MAPKBP1: variants seen among roughly 807,000 people sequenced by gnomAD.
The protein encoded by MAPKBP1 is mitogen-activated protein kinase binding protein 1.
In MAPKBP1, 71 loss-of-function variants were observed where a neutral mutation model predicts 170.5. The ratio of observed to expected loss-of-function variants is 0.42; its 90% CI spans 0.34 to 0.51. MAPKBP1 has a LOEUF of 0.51. Ranked by LOEUF, MAPKBP1 falls within the 20% of genes least tolerant of loss-of-function variation. The pLI, the probability that MAPKBP1 is intolerant of heterozygous loss-of-function variation, is 0.06. For synonymous variants in MAPKBP1, 719 were observed against 757.9 expected (o/e 0.95, Z 0.84); for missense variants, 1,598 against 1,933.0 (o/e 0.83, Z 3.25).
Position 41,819,272 on chromosome 15 carries a change from C to G in MAPKBP1, c.2318C>G (p.Pro773Arg), listed in dbSNP as rs747996494. The change falls in exon 21 of 31, where the codon CCT (proline) becomes CGT (arginine). Residue 773 changes from proline (P) to arginine (R), a missense_variant. Coordinates refer to ENST00000457542, the MANE Select transcript of MAPKBP1 (RefSeq NM_014994.3). The stretch of plus-strand genomic sequence containing the variant: ...CACCAGGCCCCATCAATGCTGTCTC[C>G]TGGACCGGCTCTCTCATCAGACAGT... ...NRHQAPSMLS[P>R]GPALSSDSDK... The G allele has an allele frequency of 1.2e-6, 2 of 1,614,166 alleles. No homozygotes were observed. The highest frequency in any genetic ancestry group is 1.7e-6 in the Non-Finnish European group (2 of 1,180,032).
Position 41,818,630 on chromosome 15 carries a change from A to G in MAPKBP1, c.2156+48A>G, listed in dbSNP as rs748253016. The G allele has an allele frequency of 3.2e-6, 5 of 1,561,624 alleles. No individual in the cohort carries two copies. Among genetic ancestry groups the G allele is most frequent in the Non-Finnish European group, 3.5e-6 (4 of 1,140,136 alleles). On this transcript the variant is annotated intron_variant, in intron 19 of 30. Coordinates refer to ENST00000457542, the MANE Select transcript of MAPKBP1 (RefSeq NM_014994.3). The surrounding 1 kb of genome is among the most constrained non-coding windows in gnomAD (Gnocchi z 5.2). Reference sequence around the variant, plus strand: ...GAGAGGCAGATTCTTACTCTGCCACAGCACCCTGCCCTCCCCTCTCTCCAT... The same window carrying G: ...GAGAGGCAGATTCTTACTCTGCCACGGCACCCTGCCCTCCCCTCTCTCCAT...
Position 41,817,984 on chromosome 15 carries a change from G to A in MAPKBP1, c.1905-25G>A. ...TGTTCCACCTTCACCGCCTCCTCAT[G>A]AGAAAGAGACTATGTTTCTTACAGG... On this transcript the variant is annotated intron_variant, in intron 16 of 30. Transcript: ENST00000457542. This position sits in a 1 kb window ranked among gnomAD's most constrained non-coding sequence, Gnocchi z 4.2. 6.2e-7 allele frequency: 1 copy of A among 1,611,794 alleles called. No individual in the cohort carries two copies. The highest frequency in any genetic ancestry group is 8.5e-7 in the Non-Finnish European group (1 of 1,177,914).
At chr15:41,815,934 C>T (rs1335452360) in intron 12 of MAPKBP1, 135 bp downstream of exon 12, 3 of 855,934 alleles carry the variant, frequency 3.5e-6, no homozygotes, top group African/African-American at 1.7e-5. Flanking sequence ...AATAACTTCA[C>T]AATGAGTAAA....
chr15:41,781,383 T>A (rs2064184468), intron 2 of MAPKBP1, among the ~76,000 whole-genome samples: 1 of 140,440 alleles, frequency 7.1e-6, no homozygotes, highest in African/African-American at 2.6e-5. Flanking sequence ...GGTAAAACAA[T>A]GCTGTGGGTT....
At chr15:41,796,608 C>G (rs1002843386) in intron 2 of MAPKBP1, among the ~76,000 whole-genome samples, 1 of 152,110 alleles carries the variant, frequency 6.6e-6, no homozygotes, top group Non-Finnish European at 1.5e-5. Context: ...CTGCTTTTCC[C>G]CCCCCTTGGA....
At position 41,825,509 on chromosome 15, in the gene MAPKBP1, A is replaced by C; in HGVS notation, c.*73A>C. On this transcript the variant is annotated 3_prime_UTR_variant, in exon 31 of 31. Coordinates refer to ENST00000457542, the MANE Select transcript of MAPKBP1 (RefSeq NM_014994.3). ...CTGCAGCCCCTCTGCCCCTCACCAA[A>C]ACCTGCGGGGCTGCTTGGAGTGGAA... 4.5e-6 allele frequency: 6 copies of C among 1,344,286 alleles called. No homozygotes were observed. The highest frequency in any genetic ancestry group is 6.1e-6 in the Non-Finnish European group (6 of 984,656). The allele number at this position is 1,344,286 out of a possible 1,614,324, so 83.3% of individuals were successfully genotyped here.
chr15:41,814,812 G>T (rs1169493151), intron 10 of MAPKBP1, 73 bp downstream of exon 10: 18 of 1,534,012 alleles, frequency 1.2e-5, no homozygotes, highest in Non-Finnish European at 1.6e-5. Context: ...AGAAAATAGG[G>T]ATCCCCAAGT....
In MAPKBP1 at chr15:41,825,468, C is replaced by T. The variant is rs1472216368; in HGVS notation, c.*32C>T. The stretch of plus-strand genomic sequence containing the variant: ...GAAGCCTGTCCCAAGTGAATGAATG[C>T]TCCAGCGATTCCAAACTGCAGCCCC... On this transcript the variant is annotated 3_prime_UTR_variant, in exon 31 of 31. Coordinates refer to ENST00000457542, the MANE Select transcript of MAPKBP1 (RefSeq NM_014994.3). 1 of 1,540,422 alleles carries T rather than the reference C, an allele frequency of 6.5e-7. No homozygotes were observed. The highest frequency in any genetic ancestry group is 8.8e-7 in the Non-Finnish European group (1 of 1,133,584).
chr15:41,799,030 A>C (rs553402615), intron 2 of MAPKBP1, among the ~76,000 whole-genome samples: 1 of 152,276 alleles, frequency 6.6e-6, no homozygotes, highest in Admixed American at 6.5e-5. Flanking sequence ...CAGAAAGACC[A>C]ATGAATTAAT....
chr15:41,809,591 T>G (rs541960772), intron 3 of MAPKBP1, among the ~76,000 whole-genome samples: 3 of 152,374 alleles, frequency 2.0e-5, no homozygotes, highest in Non-Finnish European at 4.4e-5. Context: ...CCTTTCCTAT[T>G]CGCAGTCTCC....
Position 41,823,873 on chromosome 15 carries a change from G to A in MAPKBP1, c.4025G>A (p.Gly1342Glu). The A allele has an allele frequency of 6.2e-7, 1 of 1,614,188 alleles. No homozygotes were observed. Among genetic ancestry groups the A allele is most frequent in the Non-Finnish European group, 8.5e-7 (1 of 1,180,038 alleles). ...HSTTERWACL[G>E]EGTTPKPRTE... ...ACAACTGAGAGATGGGCCTGTTTGG[G>A]GGAGGGCACCACTCCCAAGCCTAGG... The change falls in exon 29 of 31, where the codon GGG (glycine) becomes GAG (glutamate). Residue 1342 changes from glycine to glutamate, a missense_variant. Physicochemically the swap from Gly to Glu is moderately conservative, Grantham distance 98. This residue lies in a region of MAPKBP1 where 942 missense variants were observed against 953.2 expected (regional missense o/e 0.99). Transcript: ENST00000457542.
intron 2 of MAPKBP1, 86 bp downstream of exon 2, chr15:41,775,475 A>G (rs2064082426): frequency 3.0e-6 from 3 of 990,738 alleles, no homozygotes; most frequent in South Asian, 2.7e-5. Flanking sequence ...CTTGGGAAAG[A>G]TAACTAGAAG....
intron 2 of MAPKBP1, among the ~76,000 whole-genome samples, chr15:41,787,106 G>T (rs1450297874): frequency 2.6e-5 from 4 of 151,168 alleles, no homozygotes; most frequent in African/African-American, 9.7e-5. Flanking sequence ...TTTCCTGTTG[G>T]GATTACAGGT....
intron 2 of MAPKBP1, among the ~76,000 whole-genome samples, chr15:41,786,873 G>A (rs2064307381): frequency 6.9e-6 from 1 of 144,860 alleles, no homozygotes; most frequent in Non-Finnish European, 1.5e-5. Flanking sequence ...GAAGATTAAT[G>A]ATTAGCTTGT....
chr15:41,822,474 C>A, intron 26 of MAPKBP1, 52 bp downstream of exon 26: 1 of 1,604,998 alleles, frequency 6.2e-7, no homozygotes. Flanking sequence ...TTCTCCCCTC[C>A]TTGCCTACCT....
chr15:41,799,311 CAG>C lies in MAPKBP1; in HGVS notation c.115-509_115-508del, dbSNP rs200881784. Among the ~76,000 whole-genome samples, 85 of 152,232 alleles carry C rather than the reference CAG, an allele frequency of 5.6e-4. No individual in the cohort carries two copies. The East Asian group carries it at 0.015, about 28-fold the overall frequency. ...ACATTTGGGAGGTGGAGCCCTCTGA[CAG>C]AGGGGAAGAACATGATAGAATGCAA... On this transcript the variant is annotated intron_variant, in intron 2 of 30. Coordinates refer to ENST00000457542, the MANE Select transcript of MAPKBP1 (RefSeq NM_014994.3).
intron 22 of MAPKBP1, among the ~76,000 whole-genome samples, chr15:41,820,387 A>T (rs1198386180): frequency 1.3e-5 from 2 of 152,048 alleles, no homozygotes; most frequent in Non-Finnish European, 2.9e-5. Context: ...GTTGGGGTAG[A>T]CAGGCAGAAG....
In MAPKBP1 at chr15:41,811,979, G is replaced by A. The variant is rs555676721; in HGVS notation, c.350G>A (p.Arg117Gln). The A allele has an allele frequency of 6.2e-7, 1 of 1,614,142 alleles. No homozygotes were observed. Among genetic ancestry groups the A allele is most frequent in the South Asian group, 1.1e-5 (1 of 91,078 alleles). The change falls in exon 6 of 31, where the codon CGG becomes CAG. Residue 117 changes from arginine (R) to glutamine (Q), a missense_variant. Physicochemically the swap from Arg to Gln is conservative, Grantham distance 43. Around this residue, in one of 6 missense-constraint regions of MAPKBP1, gnomAD observed 151 missense variants for 191.4 expected, o/e 0.79. Coordinates refer to ENST00000457542, the MANE Select transcript of MAPKBP1 (RefSeq NM_014994.3). ...TGESGHMPAV[R>Q]VWDVAEHSQV... ...CAGAGTGGGCACATGCCTGCCGTGC[G>A]GGTTTGGGACGTGGCAGAGCACAGC... is the stretch of plus-strand genomic sequence containing the variant.
At chr15:41,810,575 C>A in intron 3 of MAPKBP1, 1 of 324,468 alleles carries the variant, frequency 3.1e-6, no homozygotes, top group Non-Finnish European at 5.6e-6. Context: ...CAAAGATTAG[C>A]TTGCATGGTG....
Sources: gnomAD v4.1 joint callset for allele counts (sites outside exome capture counted in the v4.1 genomes callset) on GRCh38, gnomAD v4.1.1 for gene constraint, gnomAD v4.1.1 regional missense constraint, Gnocchi (gnomAD v3.1) non-coding constraint, MANE v1.5 for transcripts, NCBI Gene and HGNC (gene_info 2026-07-23, HGNC 2026-07-21) for gene names.